Variants in LRMDA observed in about 807,000 individuals in gnomAD.
The protein encoded by LRMDA is leucine-rich melanocyte differentiation-associated protein.
LRMDA carries 18 observed loss-of-function variants against 29.8 expected under a neutral mutation model. The observed-to-expected ratio is 0.60, with a 90% confidence interval of 0.42 to 0.90. LRMDA has a LOEUF of 0.90. LRMDA is among the 40% of genes least tolerant of loss of function. LRMDA has a pLI of 0.00. For missense variants in LRMDA, 273 were observed against 273.9 expected (o/e 1.00, Z 0.02); for synonymous variants, 125 against 109.4 (o/e 1.14, Z -0.89).
chr10:75,824,061 T>C (rs1167957994), intron 2 of LRMDA, among the ~76,000 whole-genome samples: 1 of 152,026 alleles, frequency 6.6e-6, no homozygotes, highest in Non-Finnish European at 1.5e-5. Context: ...GGGTGATGGG[T>C]GAACTAAAAA....
At chr10:75,829,288 C>T (rs1844298411) in intron 2 of LRMDA, among the ~76,000 whole-genome samples, 1 of 152,008 alleles carries the variant, frequency 6.6e-6, no homozygotes, top group African/African-American at 2.4e-5. Flanking sequence ...AGGCATCCAC[C>T]CAAGGCCAGC....
intron 5 of LRMDA, among the ~76,000 whole-genome samples, chr10:76,200,015 G>A (rs1460122756): frequency 6.6e-6 from 1 of 152,286 alleles, no homozygotes; most frequent in South Asian, 2.1e-4. Flanking sequence ...AGGCTGGAGT[G>A]CAGTGGCACA....
intron 6 of LRMDA, among the ~76,000 whole-genome samples, chr10:76,351,023 T>C (rs1841170074): frequency 6.6e-6 from 1 of 152,040 alleles, no homozygotes; most frequent in South Asian, 2.1e-4. Context: ...CAGCAGAGAA[T>C]TATAAAGTCA....
chr10:76,328,573 C>T (rs746175683), intron 6 of LRMDA, among the ~76,000 whole-genome samples: 4 of 152,156 alleles, frequency 2.6e-5, no homozygotes, highest in Non-Finnish European at 5.9e-5. Flanking sequence ...GCGTATGAAG[C>T]AAGTGTAGGT....
At chr10:75,665,293 G>A (rs975169147) in intron 2 of LRMDA, among the ~76,000 whole-genome samples, 8 of 152,184 alleles carry the variant, frequency 5.3e-5, no homozygotes, top group African/African-American at 1.9e-4. Flanking sequence ...GCAGACAGGC[G>A]ATTTCCCCCA....
At chr10:75,482,684 G>A (rs1159933529) in intron 2 of LRMDA, among the ~76,000 whole-genome samples, 1 of 152,152 alleles carries the variant, frequency 6.6e-6, no homozygotes, top group East Asian at 1.9e-4. Context: ...CCTATCGTAG[G>A]AGTTTACTGG....
chr10:75,694,569 A>T (rs1346006654), intron 2 of LRMDA, among the ~76,000 whole-genome samples: 1 of 152,206 alleles, frequency 6.6e-6, no homozygotes, highest in African/African-American at 2.4e-5. Context: ...TTCAATATGT[A>T]TATGGAGGAA....
intron 6 of LRMDA, among the ~76,000 whole-genome samples, chr10:76,415,964 A>G (rs1387199555): frequency 6.6e-6 from 1 of 152,214 alleles, no homozygotes; most frequent in Non-Finnish European, 1.5e-5. Context: ...TAATCAGCTC[A>G]CACATATTTT....
Position 75,639,560 on chromosome 10 carries a change from G to A in LRMDA, c.131+201066G>A, listed in dbSNP as rs147535661. Among the ~76,000 whole-genome samples the A allele has an allele frequency of 4.6e-5, 7 of 152,176 alleles. No homozygotes were observed. In the East Asian group the frequency reaches 7.7e-4, roughly 17 times the overall value. Reference sequence around the variant, plus strand: ...GTGCTCCAGAACCAGTGTTGGCACCGTGAAGAAGTTGGGCAGAGGGAAGTT... The same window carrying A: ...GTGCTCCAGAACCAGTGTTGGCACCATGAAGAAGTTGGGCAGAGGGAAGTT... On this transcript the variant is annotated intron_variant, in intron 2 of 6. Transcript: ENST00000611255.
intron 5 of LRMDA, among the ~76,000 whole-genome samples, chr10:76,194,613 A>T (rs1851302308): frequency 6.6e-6 from 1 of 152,302 alleles, no homozygotes; most frequent in African/African-American, 2.4e-5. Context: ...GTAGCTTCTT[A>T]GCTTATGAGG....
intron 5 of LRMDA, among the ~76,000 whole-genome samples, chr10:76,142,593 G>C (rs1850223884): frequency 6.6e-6 from 1 of 151,726 alleles, no homozygotes; most frequent in African/African-American, 2.4e-5. Context: ...TGCTATAGCA[G>C]CTGTTTCTGC....
At chr10:75,478,828 T>C (rs1844825026) in intron 2 of LRMDA, among the ~76,000 whole-genome samples, 1 of 152,172 alleles carries the variant, frequency 6.6e-6, no homozygotes, top group Admixed American at 6.5e-5. Flanking sequence ...GATGGTGAGT[T>C]AGAAATGGAG....
intron 5 of LRMDA, among the ~76,000 whole-genome samples, chr10:76,189,758 C>T (rs1851213300): frequency 6.6e-6 from 1 of 152,190 alleles, no homozygotes; most frequent in Admixed American, 6.5e-5. Flanking sequence ...CTTCAGCATA[C>T]AGCTGGGAGC....
At chr10:76,431,825 T>C (rs1483621900) in intron 6 of LRMDA, among the ~76,000 whole-genome samples, 1 of 152,158 alleles carries the variant, frequency 6.6e-6, no homozygotes, top group Non-Finnish European at 1.5e-5. Context: ...TGGTCTCCCG[T>C]GCTGTTCACA....
intron 6 of LRMDA, among the ~76,000 whole-genome samples, chr10:76,345,329 C>G (rs1841093462): frequency 6.6e-6 from 1 of 150,948 alleles, no homozygotes; most frequent in African/African-American, 2.4e-5. Flanking sequence ...GCCTCGGCCT[C>G]CCAAAGTGCT....
intron 2 of LRMDA, among the ~76,000 whole-genome samples, chr10:75,992,162 ACT>A (rs1379271512): frequency 2.0e-5 from 3 of 152,070 alleles, no homozygotes; most frequent in Non-Finnish European, 4.4e-5. Context: ...GATAGGTTAA[ACT>A]CTGCAGAGTC....
At chr10:76,488,419 A>G (rs1332193455) in intron 6 of LRMDA, among the ~76,000 whole-genome samples, 1 of 151,872 alleles carries the variant, frequency 6.6e-6, no homozygotes, top group African/African-American at 2.4e-5. Context: ...TATATAAAAA[A>G]TACAATATGT....
chr10:75,949,296 G>A (rs1041149098), intron 2 of LRMDA, among the ~76,000 whole-genome samples: 13 of 152,204 alleles, frequency 8.5e-5, no homozygotes, highest in African/African-American at 3.1e-4. Context: ...ATAAATCTGG[G>A]CCTCCATCAT....
rs546288333 is a variant in LRMDA at position 76,155,878 on chromosome 10, G to A, written c.516+97095G>A. ...GGAGTCCTGGAATTGACTAGAAATA[G>A]GAAAAGTATTTACTCTCAAATATCT... On this transcript the variant is annotated intron_variant, in intron 5 of 6. Transcript: ENST00000611255. 1.4e-3 allele frequency among the ~76,000 whole-genome samples: 210 copies of A among 152,260 alleles called. 1 individual carries two copies. Among genetic ancestry groups the A allele is most frequent in the Middle Eastern group, 0.014 (4 of 294 alleles).
Sources: allele counts gnomAD v4.1 joint callset (sites outside exome capture counted in the v4.1 genomes callset), GRCh38; gene constraint gnomAD v4.1.1; transcripts MANE v1.5; gene names NCBI Gene and HGNC (gene_info 2026-07-23, HGNC 2026-07-21).